CSGALNACT1: variants seen among roughly 807,000 people sequenced by gnomAD.
CSGALNACT1 encodes chondroitin sulfate N-acetylgalactosaminyltransferase 1, also known as beta4GalNAcT-1.
Under a neutral mutation model 51.0 loss-of-function variants are expected in CSGALNACT1, and 52 were observed. The observed-to-expected ratio is 1.02, with a 90% CI of 0.82 to 1.29. The LOEUF (loss-of-function observed/expected upper bound fraction) is 1.29, where lower values mean the gene tolerates loss of function less well. Ranked by LOEUF, CSGALNACT1 falls within the 50% of genes most tolerant of loss-of-function variation. The probability of loss-of-function intolerance (pLI) is 0.00; values close to 1 mark genes in which losing one functional copy is unlikely to be tolerated. For missense variants in CSGALNACT1, 935 were observed against 679.2 expected (o/e 1.38, Z -4.19); for synonymous variants, 341 against 254.4 (o/e 1.34, Z -3.24).
intron 4 of CSGALNACT1, among the ~76,000 whole-genome samples, chr8:19,504,574 C>T (rs929013904): frequency 1.3e-4 from 20 of 151,948 alleles, no homozygotes; most frequent in Admixed American, 1.3e-3. Context: ...GTCCTACGCC[C>T]GTGAAAAAAA....
intron 6 of CSGALNACT1, among the ~76,000 whole-genome samples, chr8:19,425,901 G>T (rs565159808): frequency 6.6e-6 from 1 of 152,000 alleles, no homozygotes; most frequent in African/African-American, 2.4e-5. Context: ...AAGAATCACC[G>T]CCCCTCCTGT....
intron 4 of CSGALNACT1, among the ~76,000 whole-genome samples, chr8:19,463,361 A>G (rs1249768143): frequency 2.0e-5 from 3 of 152,172 alleles, no homozygotes; most frequent in African/African-American, 7.2e-5. Context: ...CACCATACCC[A>G]CAGGCACACA....
At chr8:19,605,593 C>T (rs1005726860), upstream of CSGALNACT1, among the ~76,000 whole-genome samples, 2 of 152,080 alleles carry the variant, frequency 1.3e-5, no homozygotes, top group African/African-American at 4.8e-5. Context: ...TGTGTCATCA[C>T]CAGTGTCAGT....
At position 19,525,671 on chromosome 8, in the gene CSGALNACT1, G is replaced by C. The variant is rs547156505; in HGVS notation, c.-296-19541C>G. 1.5e-4 allele frequency among the ~76,000 whole-genome samples: 19 copies of C among 126,376 alleles called. 1 individual carries two copies. The East Asian group carries it at 4.2e-3, about 28-fold the overall frequency. 82.9% of individuals were successfully genotyped at this position (126,376 alleles called of 152,430 possible). ...AAAAGTAGAGCCCACCATAAGCCTT[G>C]TGCACAAAGCTGGAATAAATGACCT... On this transcript the variant is annotated intron_variant, in intron 3 of 9. Coordinates refer to ENST00000454498, the Ensembl canonical transcript of CSGALNACT1.
chr8:19,455,044 T>C (rs2063833127), intron 5 of CSGALNACT1, among the ~76,000 whole-genome samples: 1 of 152,210 alleles, frequency 6.6e-6, no homozygotes, highest in Admixed American at 6.5e-5. Flanking sequence ...TTCTTCTATC[T>C]GCAGATATGC....
chr8:19,439,673 G>A (rs2060985789), intron 6 of CSGALNACT1, among the ~76,000 whole-genome samples, 157 bp downstream of exon 5: 1 of 152,196 alleles, frequency 6.6e-6, no homozygotes, highest in Non-Finnish European at 1.5e-5. Flanking sequence ...TGCGGAAGAG[G>A]AGTGCAGACT....
intron 1 of CSGALNACT1, among the ~76,000 whole-genome samples, chr8:19,676,730 A>G (rs1367083494): frequency 6.6e-6 from 1 of 152,216 alleles, no homozygotes; most frequent in African/African-American, 2.4e-5. Flanking sequence ...CGGGAGCCGC[A>G]CAAGCATTGT....
chr8:19,489,644 A>G (rs776532923), intron 4 of CSGALNACT1, among the ~76,000 whole-genome samples: 32 of 152,218 alleles, frequency 2.1e-4, no homozygotes, highest in Non-Finnish European at 3.5e-4. Context: ...TGATGAATTA[A>G]TCGACAATCA....
chr8:19,491,413 T>C (rs907119862), intron 4 of CSGALNACT1, among the ~76,000 whole-genome samples: 1 of 152,232 alleles, frequency 6.6e-6, no homozygotes, highest in African/African-American at 2.4e-5. Context: ...TATGAATATT[T>C]TGAACGTTCT....
At chr8:19,421,624 C>T (rs1204639435) in intron 6 of CSGALNACT1, among the ~76,000 whole-genome samples, 2 of 152,200 alleles carry the variant, frequency 1.3e-5, no homozygotes, top group East Asian at 1.9e-4. Context: ...TACAGAAACT[C>T]ATTTCCAGTT....
At chr8:19,606,629 A>G (rs1474270548), upstream of CSGALNACT1, among the ~76,000 whole-genome samples, 1 of 152,238 alleles carries the variant, frequency 6.6e-6, no homozygotes, top group East Asian at 1.9e-4. Flanking sequence ...TCTTAAGACT[A>G]CAGGATGCAG....
intron 6 of CSGALNACT1, among the ~76,000 whole-genome samples, chr8:19,424,615 G>T (rs964789424): frequency 2.6e-5 from 4 of 152,174 alleles, no homozygotes; most frequent in African/African-American, 9.7e-5. Context: ...AACAGGATAT[G>T]ACAAGATGAG....
chr8:19,753,560 C>A (rs989334514), intron 1 of CSGALNACT1, among the ~76,000 whole-genome samples: 3 of 152,138 alleles, frequency 2.0e-5, no homozygotes, highest in African/African-American at 4.8e-5. Context: ...GCTTCTGAGA[C>A]AAGGTCTTGA....
chr8:19,576,439 C>T (rs74528367), intron 3 of CSGALNACT1, among the ~76,000 whole-genome samples: 3,609 of 152,136 alleles, frequency 0.024, 159 homozygotes, highest in African/African-American at 0.081. Flanking sequence ...ATGATCCAGT[C>T]GCCTCAGCCT....
chr8:19,505,273 A>C, exon 4 of CSGALNACT1: 2 of 1,614,192 alleles, frequency 1.2e-6, no homozygotes, highest in South Asian at 1.1e-5. Flanking sequence ...AGGGTCTCCA[A>C]GGCTGATTCA....
At chr8:19,564,719 G>A (rs750773907) in intron 3 of CSGALNACT1, among the ~76,000 whole-genome samples, 5 of 152,114 alleles carry the variant, frequency 3.3e-5, no homozygotes, top group East Asian at 1.9e-4. Flanking sequence ...ATCGAAAGAC[G>A]CCCTTGCTCA....
chr8:19,571,969 T>G lies in CSGALNACT1; in HGVS notation c.-297+19191A>C, dbSNP rs540190778. Among the ~76,000 whole-genome samples, 3 of 152,338 alleles carry G rather than the reference T, an allele frequency of 2.0e-5. No individual in the cohort carries two copies. In the East Asian group the frequency reaches 5.8e-4, roughly 29 times the overall value. ...GCCTGCCTCATTTTCATCAAATAAG[T>G]CATTACATTCTTTCTGAGGGGTTCC... On this transcript the variant is annotated intron_variant, in intron 3 of 9. Transcript: ENST00000454498.
At chr8:19,586,302 T>G (rs1469879826) in intron 3 of CSGALNACT1, among the ~76,000 whole-genome samples, 4 of 151,182 alleles carry the variant, frequency 2.6e-5, no homozygotes, top group Non-Finnish European at 4.4e-5. Context: ...GAGGCTGCAG[T>G]GAGCCAAGAT....
At chr8:19,585,646 G>A (rs192561780) in intron 3 of CSGALNACT1, among the ~76,000 whole-genome samples, 1 of 152,232 alleles carries the variant, frequency 6.6e-6, no homozygotes, top group African/African-American at 2.4e-5. Context: ...ATCTTACTGT[G>A]CCACTTCCTG....
Sources: allele counts gnomAD v4.1 joint callset (sites outside exome capture counted in the v4.1 genomes callset), GRCh38; gene constraint gnomAD v4.1.1; transcripts MANE v1.5; gene names NCBI Gene and HGNC (gene_info 2026-07-23, HGNC 2026-07-21).